PALLD: variants seen among roughly 807,000 people sequenced by gnomAD.
PALLD encodes palladin, cytoskeletal associated protein, also known as palladin.
PALLD carries 61 observed loss-of-function variants against 123.5 expected under a neutral mutation model. The observed-to-expected ratio is 0.49, with a 90% CI of 0.40 to 0.61. The LOEUF (loss-of-function observed/expected upper bound fraction) is 0.61. Ranked by LOEUF, PALLD falls within the 20% of genes least tolerant of loss-of-function variation. PALLD has a pLI of 0.00. For missense variants in PALLD, 1,273 were observed against 1,377.0 expected, an observed-to-expected ratio of 0.92 and a Z score of 1.20; for synonymous variants, 465 against 496.4, an observed-to-expected ratio of 0.94 and a Z score of 0.84.
At chr4:168,896,244 C>T (rs560363340) in intron 12 of PALLD, among the ~76,000 whole-genome samples, 51 of 150,392 alleles carry the variant, frequency 3.4e-4, no homozygotes, top group African/African-American at 1.2e-3. Flanking sequence ...ATACACCTAA[C>T]CTACTGAACA....
At position 168,928,327 on chromosome 4, in the gene PALLD, A is replaced by T. The variant is rs200796758; in HGVS notation, c.*2147A>T. ...TTTGCCACCTTTATATTGTATTTAT[A>T]AAAAAAAAAGTACTATCAATCAATC... On this transcript the variant is annotated 3_prime_UTR_variant, in exon 22 of 22. Transcript: ENST00000505667. The T allele has an allele frequency of 6.3e-4, 8 of 12,770 alleles. No homozygotes were observed. The highest frequency in any genetic ancestry group is 7.6e-4 in the Non-Finnish European group (3 of 3,932). The allele number at this position is 12,770 out of a possible 1,614,324, so 0.8% of individuals were successfully genotyped here.
intron 10 of PALLD, among the ~76,000 whole-genome samples, chr4:168,794,496 A>G (rs868867910): frequency 4.1e-4 from 55 of 132,834 alleles, no homozygotes; most frequent in East Asian, 1.8e-3. Flanking sequence ...ACATGCACGC[A>G]CACACACACG....
intron 2 of PALLD, among the ~76,000 whole-genome samples, chr4:168,547,574 A>AG (rs1337521411): frequency 1.3e-5 from 2 of 150,372 alleles, no homozygotes; most frequent in African/African-American, 4.9e-5. Context: ...TACAAAAAAA[A>AG]AAAAAAAAAA....
At chr4:168,854,175 CATT>C (rs1748235657) in intron 10 of PALLD, among the ~76,000 whole-genome samples, 1 of 151,986 alleles carries the variant, frequency 6.6e-6, no homozygotes, top group South Asian at 2.1e-4. Context: ...TTCATTCATT[CATT>C]CATTCATTCA....
intron 2 of PALLD, among the ~76,000 whole-genome samples, chr4:168,660,674 AAAG>A (rs1779042531): frequency 6.6e-6 from 1 of 152,152 alleles, no homozygotes; most frequent in Admixed American, 6.5e-5. Flanking sequence ...AGAATAGTAT[AAAG>A]AAATATGCCA....
chr4:168,839,502 G>T (rs1163416480), intron 10 of PALLD, among the ~76,000 whole-genome samples: 1 of 149,840 alleles, frequency 6.7e-6, no homozygotes, highest in Non-Finnish European at 1.5e-5. Context: ...AATGGCAAAG[G>T]AACTGATGAA....
intron 10 of PALLD, among the ~76,000 whole-genome samples, chr4:168,767,611 G>A (rs1022066037): frequency 1.0e-4 from 15 of 147,498 alleles, no homozygotes; most frequent in African/African-American, 3.5e-4. Context: ...GCAGTGGCGC[G>A]ATCTCAGCTC....
intron 2 of PALLD, among the ~76,000 whole-genome samples, chr4:168,658,681 C>A (rs755671342): frequency 6.6e-6 from 1 of 151,546 alleles, no homozygotes; most frequent in Non-Finnish European, 1.5e-5. Context: ...AAAAAAAAGG[C>A]AAGATAAAAT....
chr4:168,911,959 CCTGT>C (rs2151387184), intron 15 of PALLD, among the ~76,000 whole-genome samples: 1 of 151,952 alleles, frequency 6.6e-6, no homozygotes, highest in South Asian at 2.1e-4. Context: ...TCATTCTTCT[CCTGT>C]CTGTATTACA....
At chr4:168,902,220 T>G (rs1389611474) in intron 14 of PALLD, among the ~76,000 whole-genome samples, 1 of 152,196 alleles carries the variant, frequency 6.6e-6, no homozygotes, top group African/African-American at 2.4e-5. Context: ...AAGGAAGAAG[T>G]TTGTTTTAAC....
In PALLD at chr4:168,709,034, T is replaced by C. The variant is rs1784475021; in HGVS notation, c.1508T>C (p.Ile503Thr). 1 of 1,613,590 alleles carries C rather than the reference T, an allele frequency of 6.2e-7. No homozygotes were observed. The highest frequency in any genetic ancestry group is 1.3e-5 in the African/African-American group (1 of 75,008). The change falls in exon 9 of 22, where the codon ATT (isoleucine) becomes ACT (threonine). Residue 503 changes from isoleucine (I) to threonine (T), a missense_variant. By Grantham distance (89) the Ile-to-Thr change is moderately conservative (BLOSUM62 -1). Transcript: ENST00000505667. Reference sequence around the variant, plus strand: ...CTGTTCTCTTCACTTCCAGAGGAGATTTGCACCCTAGTTATCGCTGAGACT... The same window carrying C: ...CTGTTCTCTTCACTTCCAGAGGAGACTTGCACCCTAGTTATCGCTGAGACT... ...KPRSTAEPEE[I>T]CTLVIAETFP... is the part of the protein sequence containing the mutation.
Position 168,687,969 on chromosome 4 carries a change from A to G in PALLD, c.1335+2410A>G, listed in dbSNP as rs970678493. Among the ~76,000 whole-genome samples, 3 of 152,204 alleles carry G rather than the reference A, an allele frequency of 2.0e-5. 1 individual carries two copies. Among genetic ancestry groups the G allele is most frequent in the Non-Finnish European group, 2.9e-5 (2 of 68,034 alleles). On this transcript the variant is annotated intron_variant, in intron 6 of 21. Coordinates refer to ENST00000505667, the MANE Select transcript of PALLD (RefSeq NM_001166108.2). The stretch of plus-strand genomic sequence containing the variant: ...TCAGAGCCACTGGAAGCTCAGAGCC[A>G]CTTCTCCAGCCTTCCACTTTCTGTG...
intron 10 of PALLD, among the ~76,000 whole-genome samples, chr4:168,848,148 C>T (rs1465525410): frequency 1.4e-5 from 2 of 145,456 alleles, no homozygotes; most frequent in African/African-American, 2.6e-5. Context: ...ACCCTACCCC[C>T]GTCCCACCCC....
intron 10 of PALLD, among the ~76,000 whole-genome samples, chr4:168,819,075 G>A (rs548554991): frequency 6.6e-6 from 1 of 152,330 alleles, no homozygotes; most frequent in South Asian, 2.1e-4. Context: ...GAGTCAGAAA[G>A]AACTGAGGCT....
At chr4:168,903,542 AAAGG>A (rs1232746509) in intron 14 of PALLD, among the ~76,000 whole-genome samples, 2 of 152,200 alleles carry the variant, frequency 1.3e-5, no homozygotes, top group East Asian at 3.9e-4. Context: ...TTTAAAAACA[AAAGG>A]AAGATATATA....
chr4:168,631,914 T>G (rs947136888), intron 2 of PALLD: 1 of 985,114 alleles, frequency 1.0e-6, no homozygotes, highest in Admixed American at 6.2e-5. Context: ...AGTGGCAGCA[T>G]TAAATCTATG....
At chr4:168,857,441 T>C (rs1463869099) in intron 10 of PALLD, among the ~76,000 whole-genome samples, 2 of 152,168 alleles carry the variant, frequency 1.3e-5, no homozygotes, top group African/African-American at 4.8e-5. Context: ...TACGTCAAGA[T>C]GAAAGAAAGG....
intron 10 of PALLD, among the ~76,000 whole-genome samples, chr4:168,715,746 C>G (rs1329614988): frequency 6.6e-6 from 1 of 152,112 alleles, no homozygotes; most frequent in African/African-American, 2.4e-5. Context: ...GTCAGGAGAT[C>G]GAGACCATCC....
rs1035317296 is a variant in PALLD at position 168,733,879 on chromosome 4, C to G, written c.1964+21956C>G. 2.6e-5 allele frequency among the ~76,000 whole-genome samples: 4 copies of G among 152,082 alleles called. No individual in the cohort carries two copies. In the East Asian group the frequency reaches 7.7e-4, roughly 29 times the overall value. On this transcript the variant is annotated intron_variant, in intron 10 of 21. Transcript: ENST00000505667. ...CCTCCTGAGTAGCTGGGACTACAGGCGCCCGCCACCGCACCTGGCTAATTT... is the reference window on the plus strand; with the variant it reads ...CCTCCTGAGTAGCTGGGACTACAGGGGCCCGCCACCGCACCTGGCTAATTT...
Sources: gnomAD v4.1 joint callset for allele counts (sites outside exome capture counted in the v4.1 genomes callset) on GRCh38, gnomAD v4.1.1 for gene constraint, MANE v1.5 for transcripts, NCBI Gene and HGNC (gene_info 2026-07-23, HGNC 2026-07-21) for gene names.